The following CYTH1 variants were observed in gnomAD, a reference collection of about 807,000 sequenced individuals.
CYTH1 encodes cytohesin-1.
In CYTH1, 18 loss-of-function variants were observed where a neutral mutation model predicts 61.8. That is an observed-to-expected ratio of 0.29 (90% CI 0.20 to 0.43). The LOEUF is 0.43. CYTH1 is among the 20% of genes least tolerant of loss of function. CYTH1 has a pLI of 1.00. For synonymous variants in CYTH1, 174 were observed against 184.3 expected (o/e 0.94, Z 0.45); for missense variants, 336 against 510.5 (o/e 0.66, Z 3.29).
At chr17:78,710,160 T>C (rs1344473221) in intron 1 of CYTH1, among the ~76,000 whole-genome samples, 2 of 151,724 alleles carry the variant, frequency 1.3e-5, no homozygotes, top group Non-Finnish European at 2.9e-5. Flanking sequence ...CCCCCTGAGG[T>C]GGGGAGGGGA....
chr17:78,755,491 TAAAA>T (rs3073742), intron 1 of CYTH1, among the ~76,000 whole-genome samples: 1 of 129,846 alleles, frequency 7.7e-6, no homozygotes, highest in East Asian at 2.2e-4. Flanking sequence ...TGGGTTTATT[TAAAA>T]AAAAAAAAAA....
intron 1 of CYTH1, among the ~76,000 whole-genome samples, chr17:78,724,981 A>T (rs143202122): frequency 4.6e-5 from 7 of 152,348 alleles, no homozygotes; most frequent in African/African-American, 1.7e-4. Context: ...CATGAAAAAC[A>T]AATTCTAAAA....
At chr17:78,754,408 A>G (rs2093392809) in intron 1 of CYTH1, among the ~76,000 whole-genome samples, 1 of 151,766 alleles carries the variant, frequency 6.6e-6, no homozygotes, top group Non-Finnish European at 1.5e-5. Context: ...CAGTGGTGCA[A>G]TCTTGGCTCA....
chr17:78,756,988 CTTTT>C (rs869039489), intron 1 of CYTH1, among the ~76,000 whole-genome samples: 2 of 129,758 alleles, frequency 1.5e-5, no homozygotes, highest in African/African-American at 2.8e-5. Flanking sequence ...TCTTTTTTTT[CTTTT>C]TTTTTTTTTT....
At chr17:78,771,362 C>A (rs1192724712) in intron 1 of CYTH1, among the ~76,000 whole-genome samples, 1 of 152,170 alleles carries the variant, frequency 6.6e-6, no homozygotes, top group Admixed American at 6.5e-5. Flanking sequence ...AATGCCTGAA[C>A]CCAGGAGGCA....
At position 78,705,904 on chromosome 17, in the gene CYTH1, C is replaced by CA. The variant is rs2093060410; in HGVS notation, c.170+2292dup. Among the ~76,000 whole-genome samples, 4 of 152,050 alleles carry CA rather than the reference C, an allele frequency of 2.6e-5. No individual in the cohort carries two copies. In the South Asian group the frequency reaches 6.2e-4, roughly 24 times the overall value. ...TTCCTTGCTGTTCTATGGTAACTGA[C>CA]AGAGAATTAATCAAGAGAAAAACAA... On this transcript the variant is annotated intron_variant, in intron 3 of 13. Coordinates refer to ENST00000446868, the MANE Select transcript of CYTH1 (RefSeq NM_004762.6).
chr17:78,724,534 G>C (rs1282637297), intron 1 of CYTH1, among the ~76,000 whole-genome samples: 4 of 152,146 alleles, frequency 2.6e-5, no homozygotes, highest in Non-Finnish European at 5.9e-5. Flanking sequence ...CTACCCACTA[G>C]GTGCCAGCAG....
At chr17:78,736,605 C>T in intron 1 of CYTH1, 1 of 227,750 alleles carries the variant, frequency 4.4e-6, no homozygotes, top group Admixed American at 5.4e-5. Context: ...CAGGATTTCA[C>T]ATACTAATGA....
intron 13 of CYTH1, chr17:78,677,390 CGGCCCTGCCT>C (rs1216328528): frequency 4.6e-6 from 1 of 217,012 alleles, no homozygotes; most frequent in Non-Finnish European, 9.4e-6. Flanking sequence ...GCCCCAGGCC[CGGCCCTGCCT>C]GGCCCTGCCT....
intron 1 of CYTH1, among the ~76,000 whole-genome samples, chr17:78,779,860 AATGTT>A (rs2093509621): frequency 6.6e-6 from 1 of 152,228 alleles, no homozygotes; most frequent in Non-Finnish European, 1.5e-5. Flanking sequence ...CCCTAAAACA[AATGTT>A]ATGTTGTTTT....
chr17:78,723,600 T>C (rs1168237063), intron 1 of CYTH1: 1 of 152,662 alleles, frequency 6.6e-6, no homozygotes, highest in African/African-American at 2.4e-5. Flanking sequence ...TTTCCATGAA[T>C]GCAGTCACAG....
intron 1 of CYTH1, among the ~76,000 whole-genome samples, chr17:78,764,908 T>C (rs1238732971): frequency 2.0e-5 from 3 of 151,662 alleles, no homozygotes; most frequent in Non-Finnish European, 2.9e-5. Context: ...ATAAACATAA[T>C]GAGTAGGTTC....
intron 1 of CYTH1, among the ~76,000 whole-genome samples, chr17:78,719,822 C>A (rs2093212973): frequency 6.6e-6 from 1 of 152,188 alleles, no homozygotes; most frequent in African/African-American, 2.4e-5. Flanking sequence ...GCCAATAATA[C>A]ACTGAAGAGT....
chr17:78,760,477 ATATG>A (rs1180482776), intron 1 of CYTH1, among the ~76,000 whole-genome samples: 4 of 51,890 alleles, frequency 7.7e-5, no homozygotes, highest in African/African-American at 3.1e-4. Context: ...ATATGTATAT[ATATG>A]TATGTATATA....
At position 78,702,114 on chromosome 17, in the gene CYTH1, G is replaced by A. The variant is rs760921794; in HGVS notation, c.356+8C>T. ...TCCCTAGCATGCGCATAATCCCCAA[G>A]GCCTTACCTCTCCCCTAGGTAGTCG... is the stretch of plus-strand genomic sequence containing the variant. On this transcript the variant is annotated splice_region_variant and intron_variant, in intron 5 of 13. Transcript: ENST00000446868. 8 of 1,603,352 alleles carry A rather than the reference G, an allele frequency of 5.0e-6. No individual in the cohort carries two copies. In the South Asian group the frequency reaches 8.8e-5, roughly 18 times the overall value.
intron 1 of CYTH1, among the ~76,000 whole-genome samples, chr17:78,727,284 C>G (rs1222164425): frequency 1.3e-5 from 2 of 152,248 alleles, no homozygotes; most frequent in Non-Finnish European, 2.9e-5. Context: ...TCCCCTCCTT[C>G]TGTGTCCCAT....
chr17:78,778,223 C>T (rs887483719), intron 1 of CYTH1, among the ~76,000 whole-genome samples: 3 of 145,062 alleles, frequency 2.1e-5, no homozygotes, highest in Admixed American at 1.4e-4. Context: ...TCGCATGAAC[C>T]CAGGAGGTGG....
intron 1 of CYTH1, among the ~76,000 whole-genome samples, chr17:78,757,687 T>C (rs2093407225): frequency 6.6e-6 from 1 of 152,010 alleles, no homozygotes; most frequent in African/African-American, 2.4e-5. Flanking sequence ...TCTCAGCACT[T>C]TGGGAGGCTG....
rs1200244497 is a variant in CYTH1 at position 78,711,306 on chromosome 17, T to A, written c.23-1574A>T. ...TAAATAAATAAATAAATAAATAATA[T>A]ATATATATACACACACACACACACA... On this transcript the variant is annotated intron_variant, in intron 1 of 13. Coordinates refer to ENST00000446868, the MANE Select transcript of CYTH1 (RefSeq NM_004762.6). Among the ~76,000 whole-genome samples the A allele has an allele frequency of 4.6e-3, 458 of 98,638 alleles. 1 individual carries two copies. The highest frequency in any genetic ancestry group is 0.016 in the African/African-American group (423 of 25,806). The allele number at this position is 98,638 out of a possible 152,430, so 64.7% of individuals were successfully genotyped here. A position where few individuals can be genotyped will look rare whatever the true frequency, so the allele number is the denominator to read the frequency against.
Sources: gnomAD v4.1 joint callset for allele counts (sites outside exome capture counted in the v4.1 genomes callset) on GRCh38, gnomAD v4.1.1 for gene constraint, MANE v1.5 for transcripts, NCBI Gene and HGNC (gene_info 2026-07-23, HGNC 2026-07-21) for gene names.